The following DNAJC1 variants were observed in gnomAD, a reference collection of about 807,000 sequenced individuals.
DNAJC1 encodes dnaJ homolog subfamily C member 1.
A neutral mutation model predicts 76.6 loss-of-function variants in DNAJC1; 58 were observed. The ratio of observed to expected loss-of-function variants is 0.76; its 90% CI spans 0.61 to 0.94. The LOEUF (loss-of-function observed/expected upper bound fraction) is 0.94, where lower values mean the gene tolerates loss of function less well. Among genes scored for constraint, DNAJC1 ranks in the 40% least tolerant of loss-of-function variants. DNAJC1 has a pLI of 0.00. For missense variants in DNAJC1, 689 were observed against 677.3 expected (o/e 1.02, Z -0.19); for synonymous variants, 258 against 267.9 (o/e 0.96, Z 0.36).
chr10:21,886,706 G>C (rs976154288), intron 7 of DNAJC1, among the ~76,000 whole-genome samples: 1 of 152,012 alleles, frequency 6.6e-6, no homozygotes, highest in African/African-American at 2.4e-5. Flanking sequence ...CACATAAACA[G>C]AACTAAAGAC....
At chr10:21,851,449 C>T (rs1835750764) in intron 8 of DNAJC1, among the ~76,000 whole-genome samples, 1 of 152,014 alleles carries the variant, frequency 6.6e-6, no homozygotes, top group African/African-American at 2.4e-5. Context: ...CCTAGGGTGG[C>T]TATAACAATC....
Position 21,942,061 on chromosome 10 carries a change from A to G in DNAJC1, c.223-12920T>C, listed in dbSNP as rs115747905. On this transcript the variant is annotated intron_variant, in intron 1 of 11. Coordinates refer to ENST00000376980, the MANE Select transcript of DNAJC1 (RefSeq NM_022365.4). Reference sequence around the variant, plus strand: ...ATCAAGCATTTGTTTCTCATTAACTATACATATACTGAGCTCCCTTATCAA... The same window carrying G: ...ATCAAGCATTTGTTTCTCATTAACTGTACATATACTGAGCTCCCTTATCAA... 6.2e-3 allele frequency among the ~76,000 whole-genome samples: 941 copies of G among 152,306 alleles called. 11 individuals carry two copies. Among genetic ancestry groups the G allele is most frequent in the African/African-American group, 0.021 (893 of 41,570 alleles).
intron 1 of DNAJC1, among the ~76,000 whole-genome samples, chr10:21,941,402 G>T (rs1320259238): frequency 6.6e-6 from 1 of 151,806 alleles, no homozygotes; most frequent in African/African-American, 2.4e-5. Context: ...AATAAAGACT[G>T]CTACTAGACG....
chr10:21,764,193 T>C (rs974359183), intron 10 of DNAJC1, among the ~76,000 whole-genome samples: 6 of 152,198 alleles, frequency 3.9e-5, no homozygotes, highest in African/African-American at 1.4e-4. Context: ...TATGGACTAC[T>C]ATGGAGCCAT....
At chr10:21,875,243 A>G (rs1182760992) in intron 8 of DNAJC1, among the ~76,000 whole-genome samples, 1 of 151,890 alleles carries the variant, frequency 6.6e-6, no homozygotes, top group African/African-American at 2.4e-5. Context: ...GCAGCCTCAA[A>G]CTCCTGGACT....
chr10:21,903,450 T>G (rs1418439517), intron 7 of DNAJC1, among the ~76,000 whole-genome samples: 2 of 152,212 alleles, frequency 1.3e-5, no homozygotes, highest in Non-Finnish European at 2.9e-5. Flanking sequence ...AATTATATAG[T>G]TGATCTGAAT....
At chr10:21,830,785 C>T (rs1016504921) in intron 8 of DNAJC1, among the ~76,000 whole-genome samples, 10 of 152,006 alleles carry the variant, frequency 6.6e-5, no homozygotes, top group African/African-American at 1.7e-4. Context: ...ATGATTTGAC[C>T]AGATCATCTT....
At chr10:21,794,322 A>G (rs1834728771) in intron 9 of DNAJC1, among the ~76,000 whole-genome samples, 1 of 151,860 alleles carries the variant, frequency 6.6e-6, no homozygotes, top group African/African-American at 2.4e-5. Context: ...GTTCTTCTCT[A>G]TAAGCTGAAA....
intron 3 of DNAJC1, among the ~76,000 whole-genome samples, chr10:21,928,243 G>A (rs1185860404): frequency 1.3e-5 from 2 of 152,132 alleles, no homozygotes; most frequent in African/African-American, 4.8e-5. Context: ...AAACACTCAT[G>A]TTAAAAGTCG....
intron 7 of DNAJC1, among the ~76,000 whole-genome samples, chr10:21,884,689 T>C (rs1656141885): frequency 6.6e-6 from 1 of 152,200 alleles, no homozygotes; most frequent in South Asian, 2.1e-4. Flanking sequence ...TAATTATTGA[T>C]GATGCTTTTA....
chr10:21,886,253 C>G (rs1221877815), intron 7 of DNAJC1, among the ~76,000 whole-genome samples: 3 of 152,062 alleles, frequency 2.0e-5, no homozygotes, highest in Non-Finnish European at 4.4e-5. Flanking sequence ...AATTCCTGGA[C>G]ACATACACCC....
chr10:21,783,417 A>G (rs371115203), intron 9 of DNAJC1, among the ~76,000 whole-genome samples: 1 of 152,150 alleles, frequency 6.6e-6, no homozygotes, highest in Non-Finnish European at 1.5e-5. Flanking sequence ...CAAACAAATG[A>G]AAGAACATTC....
chr10:21,897,042 T>C (rs966262154), intron 7 of DNAJC1, among the ~76,000 whole-genome samples: 1 of 152,206 alleles, frequency 6.6e-6, no homozygotes, highest in African/African-American at 2.4e-5. Flanking sequence ...ACTGATGCCC[T>C]GATCTTGGAC....
At chr10:21,943,184 A>C (rs909976250) in intron 1 of DNAJC1, among the ~76,000 whole-genome samples, 4 of 152,220 alleles carry the variant, frequency 2.6e-5, no homozygotes, top group African/African-American at 9.7e-5. Flanking sequence ...AAAATGAATG[A>C]ACCAAGTACC....
At chr10:21,818,306 A>T (rs1564796603) in intron 8 of DNAJC1, among the ~76,000 whole-genome samples, 1 of 152,158 alleles carries the variant, frequency 6.6e-6, no homozygotes, top group Admixed American at 6.5e-5. Context: ...AGGACAAGGA[A>T]ATTCCCGCCT....
chr10:21,871,831 C>T (rs1472190127), intron 8 of DNAJC1, among the ~76,000 whole-genome samples: 2 of 151,604 alleles, frequency 1.3e-5, no homozygotes, highest in African/African-American at 4.9e-5. Context: ...GAGAGGGTTT[C>T]ACCATGTTGG....
chr10:21,802,138 A>G (rs977575052), intron 9 of DNAJC1, among the ~76,000 whole-genome samples: 1 of 152,262 alleles, frequency 6.6e-6, no homozygotes, highest in East Asian at 1.9e-4. Context: ...AAATATCTTT[A>G]AAAGTTGTAA....
intron 1 of DNAJC1, among the ~76,000 whole-genome samples, chr10:21,998,793 T>C (rs12571634): frequency 0.78 from 118,883 of 152,166 alleles, 47,291 homozygotes; most frequent in East Asian, 0.97. Flanking sequence ...AGAAGTAAAA[T>C]CTGTTGAGTA....
At chr10:21,856,626 A>G (rs17409651) in intron 8 of DNAJC1, among the ~76,000 whole-genome samples, 4,696 of 152,038 alleles carry the variant, frequency 0.031, 117 homozygotes, top group Non-Finnish European at 0.048. Flanking sequence ...TTACCAACAC[A>G]CTCATGGTAT....
Sources: allele counts gnomAD v4.1 joint callset (sites outside exome capture counted in the v4.1 genomes callset), GRCh38; gene constraint gnomAD v4.1.1; transcripts MANE v1.5; gene names NCBI Gene and HGNC (gene_info 2026-07-23, HGNC 2026-07-21).